The following ACOT7 variants were observed in gnomAD, a reference collection of about 807,000 sequenced individuals.
The protein encoded by ACOT7 is cytosolic acyl coenzyme A thioester hydrolase.
ACOT7 carries 12 observed loss-of-function variants against 40.2 expected under a neutral mutation model. The observed-to-expected ratio is 0.30, with a 90% confidence interval of 0.19 to 0.48. The LOEUF is 0.48. Among genes scored for constraint, ACOT7 ranks in the 20% least tolerant of loss-of-function variants. The pLI, the probability that ACOT7 is intolerant of heterozygous loss-of-function variation, is 0.99. For synonymous variants in ACOT7, 228 were observed against 219.5 expected, an observed-to-expected ratio of 1.04 and a Z score of -0.34; for missense variants, 395 against 530.8, an observed-to-expected ratio of 0.74 and a Z score of 2.51.
rs371229707 is a variant in ACOT7, at chr1:6,378,611, G to A, written c.143+14646C>T. Among the ~76,000 whole-genome samples the A allele has an allele frequency of 2.6e-5, 4 of 152,102 alleles. 1 individual carries two copies. Among genetic ancestry groups the A allele is most frequent in the South Asian group, 2.1e-4 (1 of 4,826 alleles). Reference sequence around the variant, plus strand: ...CAGCCCTGAGGCCAAAGGATTCAAGGCAGGGCACAGAGACATCTGAGCTGT... The same window carrying A: ...CAGCCCTGAGGCCAAAGGATTCAAGACAGGGCACAGAGACATCTGAGCTGT... On this transcript the variant is annotated intron_variant, in intron 1 of 8. Coordinates refer to ENST00000361521, the MANE Select transcript of ACOT7 (RefSeq NM_007274.4).
At chr1:6,307,489 G>A (rs1445258875) in intron 6 of ACOT7, among the ~76,000 whole-genome samples, 2 of 152,212 alleles carry the variant, frequency 1.3e-5, no homozygotes, top group Admixed American at 6.5e-5. Flanking sequence ...AGTAAGCTGA[G>A]GCAGTCTAAT....
At chr1:6,322,043 G>A (rs1212288250) in intron 5 of ACOT7, among the ~76,000 whole-genome samples, 1 of 152,222 alleles carries the variant, frequency 6.6e-6, no homozygotes, top group Non-Finnish European at 1.5e-5. Context: ...GCAGCAGGTG[G>A]GAGAGCAGGC....
chr1:6,312,887 T>G (rs1640379350), intron 6 of ACOT7, among the ~76,000 whole-genome samples: 1 of 152,302 alleles, frequency 6.6e-6, no homozygotes, highest in South Asian at 2.1e-4. Flanking sequence ...AAATTAAAAC[T>G]TTTTAATTAC....
At chr1:6,331,275 T>C (rs528268728) in intron 4 of ACOT7, among the ~76,000 whole-genome samples, 2 of 152,322 alleles carry the variant, frequency 1.3e-5, no homozygotes, top group African/African-American at 2.4e-5. Flanking sequence ...CAGGTCTTTG[T>C]AGTTGTAAAC....
intron 4 of ACOT7, among the ~76,000 whole-genome samples, chr1:6,331,509 CTG>C (rs1465513414): frequency 1.3e-5 from 2 of 152,242 alleles, no homozygotes; most frequent in Non-Finnish European, 2.9e-5. Context: ...GCCTCCAGAA[CTG>C]TGACAGAATC....
intron 2 of ACOT7, among the ~76,000 whole-genome samples, chr1:6,346,095 C>A (rs79436746): frequency 6.6e-6 from 1 of 152,104 alleles, no homozygotes; most frequent in Admixed American, 6.5e-5. Flanking sequence ...GGGGCATGGC[C>A]GGACGCTGTG....
intron 8 of ACOT7, among the ~76,000 whole-genome samples, chr1:6,277,551 G>A (rs915375011): frequency 1.6e-4 from 25 of 152,196 alleles, no homozygotes; most frequent in Non-Finnish European, 2.9e-4. Flanking sequence ...CGTCCTAGCC[G>A]GGTGGCCTCG....
intron 1 of ACOT7, among the ~76,000 whole-genome samples, chr1:6,350,755 C>G (rs1195174816): frequency 1.3e-5 from 2 of 152,200 alleles, no homozygotes; most frequent in African/African-American, 4.8e-5. Context: ...AGTGTGGGGG[C>G]CCCAGGAGCA....
At position 6,349,817 on chromosome 1, in the gene ACOT7, T is replaced by A; in HGVS notation, c.193A>T (p.Thr65Ser). Residue 65 changes from threonine to serine, a missense_variant, in exon 2 of 9, where the codon ACC becomes TCC. This residue lies in a region of ACOT7 where 309 missense variants were observed against 470.3 expected (regional missense o/e 0.66). Coordinates refer to ENST00000361521, the MANE Select transcript of ACOT7 (RefSeq NM_007274.4). ...ANVAGNVHGGTILKMIEEAGA... is the reference protein window; with the variant it reads ...ANVAGNVHGGSILKMIEEAGA... ...GCCTCCTCGATCATCTTCAGGATGG[T>A]CCCCCCGTGGACATTGCCGGCCACG... is the stretch of plus-strand genomic sequence containing the variant. 2 of 1,613,958 alleles carry A rather than the reference T, an allele frequency of 1.2e-6. No individual in the cohort carries two copies. The highest frequency in any genetic ancestry group is 1.7e-6 in the Non-Finnish European group (2 of 1,179,990).
At position 6,289,688 on chromosome 1, in the gene ACOT7, GTGTTT is replaced by G. The variant is rs59290255; in HGVS notation, c.829+5171_829+5175del. The stretch of plus-strand genomic sequence containing the variant: ...TGTGACCAGCCTGCTTTTTTTGTGT[GTGTTT>G]TGTTTTGTTTTGTTTTTAAAGAAAC... On this transcript the variant is annotated intron_variant, in intron 7 of 8. Coordinates refer to ENST00000361521, the MANE Select transcript of ACOT7 (RefSeq NM_007274.4). This position sits in a 1 kb window ranked among gnomAD's most constrained non-coding sequence, Gnocchi z 4.6. Among the ~76,000 whole-genome samples the G allele has an allele frequency of 2.6e-5, 4 of 151,636 alleles. No homozygotes were observed. The highest frequency in any genetic ancestry group is 1.9e-4 in the East Asian group (1 of 5,176).
intron 6 of ACOT7, among the ~76,000 whole-genome samples, chr1:6,314,729 C>T (rs567651500): frequency 2.6e-5 from 4 of 152,274 alleles, no homozygotes; most frequent in African/African-American, 9.6e-5. Flanking sequence ...CCCAGTTTGC[C>T]CTCTTCACAT....
intron 5 of ACOT7, among the ~76,000 whole-genome samples, chr1:6,325,772 T>C (rs928471930): frequency 6.6e-6 from 1 of 152,222 alleles, no homozygotes; most frequent in African/African-American, 2.4e-5. Context: ...CTCTCATCTG[T>C]GCGCCCACTG....
Position 6,393,540 on chromosome 1 carries a change from T to G in ACOT7, c.-141A>C. 1 of 721,608 alleles carries G rather than the reference T, an allele frequency of 1.4e-6. No homozygotes were observed. Among genetic ancestry groups the G allele is most frequent in the Non-Finnish European group, 1.9e-6 (1 of 534,302 alleles). 44.7% of individuals were successfully genotyped at this position (721,608 alleles called of 1,614,324 possible). A position where few individuals can be genotyped will look rare whatever the true frequency, so the allele number is the denominator to read the frequency against. On this transcript the variant is annotated 5_prime_UTR_variant, in exon 1 of 9. Transcript: ENST00000361521. ...GCCCCGCCTCCCAGGCCGCCAAGGC[T>G]GCAGAGAGCTCGCGCGGGCGTACGA...
intron 2 of ACOT7, 128 bp from the exon 3 acceptor site, chr1:6,339,717 A>C: frequency 2.0e-6 from 2 of 995,660 alleles, no homozygotes; most frequent in Non-Finnish European, 2.8e-6. Context: ...CAACCAATGT[A>C]TCACCATTTA....
intron 1 of ACOT7, among the ~76,000 whole-genome samples, chr1:6,365,024 A>G (rs1170667583): frequency 1.8e-5 from 2 of 112,032 alleles, no homozygotes. Context: ...ACTCCGTCTC[A>G]AAAAAAAAAA....
intron 4 of ACOT7, 29 bp from the exon 5 acceptor site, chr1:6,327,442 C>T: frequency 6.2e-7 from 1 of 1,610,296 alleles, no homozygotes; most frequent in South Asian, 1.1e-5. Context: ...AGGTCAGGCC[C>T]AGGCAGGACA....
At chr1:6,270,932 G>T (rs139868368) in intron 8 of ACOT7, among the ~76,000 whole-genome samples, 1 of 152,174 alleles carries the variant, frequency 6.6e-6, no homozygotes, top group African/African-American at 2.4e-5. Flanking sequence ...ACATGGGGAC[G>T]CAGGGGTGGG....
chr1:6,302,501 G>A (rs1371538826), intron 6 of ACOT7, among the ~76,000 whole-genome samples: 2 of 152,024 alleles, frequency 1.3e-5, no homozygotes, highest in African/African-American at 2.4e-5. Context: ...CGGACCTGGC[G>A]AAAAACCAGT....
In ACOT7 at chr1:6,352,645, G is replaced by C. The variant is rs963533171; in HGVS notation, c.144-2779C>G. 6.7e-6 allele frequency among the ~76,000 whole-genome samples: 1 copy of C among 149,894 alleles called. No individual in the cohort carries two copies. Among genetic ancestry groups the C allele is most frequent in the African/African-American group, 2.5e-5 (1 of 40,604 alleles). On this transcript the variant is annotated intron_variant, in intron 1 of 8. Coordinates refer to ENST00000361521, the MANE Select transcript of ACOT7 (RefSeq NM_007274.4). This position sits in a 1 kb window ranked among gnomAD's most constrained non-coding sequence, Gnocchi z 4.5. ...CTCGCTCTGTCTCCCAGGCTGGAGT[G>C]CAGTGGCACGATCTTGGCTCACCGC...
Sources: allele counts gnomAD v4.1 joint callset (sites outside exome capture counted in the v4.1 genomes callset), GRCh38; gene constraint gnomAD v4.1.1; regional missense constraint gnomAD v4.1.1; non-coding constraint Gnocchi (gnomAD v3.1); transcripts MANE v1.5; gene names NCBI Gene and HGNC (gene_info 2026-07-23, HGNC 2026-07-21).